TIMM44: variants seen among roughly 807,000 people sequenced by gnomAD.
TIMM44 encodes translocase of inner mitochondrial membrane 44, also known as mitochondrial import inner membrane translocase subunit TIM44.
Under a neutral mutation model 63.8 loss-of-function variants are expected in TIMM44, and 37 were observed. That is an observed-to-expected ratio of 0.58 (90% CI 0.45 to 0.76). The LOEUF (loss-of-function observed/expected upper bound fraction) is 0.76, where lower values mean the gene tolerates loss of function less well. TIMM44 is among the 30% of genes least tolerant of loss of function. The pLI, the probability that TIMM44 is intolerant of heterozygous loss-of-function variation, is 0.00. For missense variants in TIMM44, 573 were observed against 603.8 expected (o/e 0.95, Z 0.54); for synonymous variants, 239 against 245.1 (o/e 0.98, Z 0.23).
At chr19:7,930,098 C>T (rs532535348) in intron 10 of TIMM44, among the ~76,000 whole-genome samples, 2 of 152,128 alleles carry the variant, frequency 1.3e-5, no homozygotes, top group East Asian at 2.0e-4. Flanking sequence ...ATCCGCCCGC[C>T]TCAGCCTCCC....
Position 7,932,755 on chromosome 19 carries a change from C to A in TIMM44, c.863-4G>T. 2 of 1,614,100 alleles carry A rather than the reference C, an allele frequency of 1.2e-6. No individual in the cohort carries two copies. Among genetic ancestry groups the A allele is most frequent in the Non-Finnish European group, 1.7e-6 (2 of 1,179,982 alleles). ...TCTGTCTTGGAGAACAGGCCCCCTG[C>A]AGGGAGCAGAGCCGGGAGTTCGGGG... On this transcript the variant is annotated splice_region_variant and splice_polypyrimidine_tract_variant and intron_variant, in intron 8 of 12. Coordinates refer to ENST00000270538, the MANE Select transcript of TIMM44 (RefSeq NM_006351.4).
chr19:7,931,270 G>T, intron 9 of TIMM44, 82 bp from the exon 10 acceptor site: 1 of 1,318,146 alleles, frequency 7.6e-7, no homozygotes, highest in South Asian at 1.2e-5. Context: ...ATTCTCCAGT[G>T]GTGCGGGGTG....
chr19:7,927,321 G>A lies in TIMM44; in HGVS notation c.1240-15C>T, dbSNP rs746679516. The A allele has an allele frequency of 9.8e-5, 158 of 1,608,870 alleles. No homozygotes were observed. The highest frequency in any genetic ancestry group is 1.3e-4 in the Non-Finnish European group (155 of 1,179,932). On this transcript the variant is annotated splice_polypyrimidine_tract_variant and intron_variant, in intron 12 of 12. Coordinates refer to ENST00000270538, the MANE Select transcript of TIMM44 (RefSeq NM_006351.4). ...AGCACCTTGTCCTGCAGGGTGGGGT[G>A]GGAAGGGCACTGTTGAGAGGGTTGA...
chr19:7,935,137 G>T lies in TIMM44; in HGVS notation c.321C>A (p.Ile107=), dbSNP rs758802032. The stretch of plus-strand genomic sequence containing the variant: ...CGCTCGTCCGCACGGTTTCTGACTC[G>T]ATGGTTTTCTAGGTAAAGAGCGCTG... ...LQEARRKYKT[I]ESETVRTSEV... is the part of the protein sequence containing the mutation. Residue 107 remains isoleucine, a synonymous_variant, in exon 4 of 13, where the codon ATC becomes ATA. Transcript: ENST00000270538. 1 of 1,606,582 alleles carries T rather than the reference G, an allele frequency of 6.2e-7. No individual in the cohort carries two copies. Among genetic ancestry groups the T allele is most frequent in the Non-Finnish European group, 8.5e-7 (1 of 1,174,528 alleles).
chr19:7,933,958 G>A lies in TIMM44; in HGVS notation c.589C>T (p.Gln197Ter). 1 of 1,614,156 alleles carries A rather than the reference G, an allele frequency of 6.2e-7. No homozygotes were observed. The highest frequency in any genetic ancestry group is 8.5e-7 in the Non-Finnish European group (1 of 1,180,042). The change falls in exon 6 of 13, where the codon CAG becomes TAG. Residue 197 changes from glutamine to a stop codon, truncating the protein, a stop_gained. Transcript: ENST00000270538. LOFTEE classifies it high-confidence loss of function. This position sits in a 1 kb window ranked among gnomAD's most constrained non-coding sequence, Gnocchi z 4.3. Reference protein sequence around the residue: ...KKEIDDSVLGQTGPYRRPQRL... With the variant: ...KKEIDDSVLG The stretch of plus-strand genomic sequence containing the variant: ...TGGGGCCTCCGGTAGGGCCCGGTCT[G>A]TCCCAGGACGCTGTCGTCAATTTCC...
In TIMM44 at chr19:7,943,092, G is replaced by T. The variant is rs574149091; in HGVS notation, c.45+515C>A. Among the ~76,000 whole-genome samples the T allele has an allele frequency of 3.2e-4, 48 of 151,130 alleles. No homozygotes were observed. The highest frequency in any genetic ancestry group is 6.3e-4 in the Non-Finnish European group (43 of 67,886). On this transcript the variant is annotated intron_variant, in intron 1 of 12. Transcript: ENST00000270538. The surrounding 1 kb of genome is among the most constrained non-coding windows in gnomAD (Gnocchi z 4.3). Reference sequence around the variant, plus strand: ...AAAAAACGAAGAGCACGAGCAATATGAAGTACTACTTTCTGAGTGCGCCTT... The same window carrying T: ...AAAAAACGAAGAGCACGAGCAATATTAAGTACTACTTTCTGAGTGCGCCTT...
intron 3 of TIMM44, chr19:7,937,730 C>T (rs953079626): frequency 1.4e-5 from 5 of 368,272 alleles, no homozygotes; most frequent in Non-Finnish European, 2.6e-5. Flanking sequence ...AGGTAAGAAG[C>T]AAAGGGGCCC....
Position 7,934,605 on chromosome 19 carries a change from C to T in TIMM44, c.394-367G>A, listed in dbSNP as rs1173702752. ...AATGGGCAGGAGTCCTCTGGAGACC[C>T]GGGAACTGCCTGGCAGCAAGGATTC... On this transcript the variant is annotated intron_variant, in intron 4 of 12. Transcript: ENST00000270538. This position sits in a 1 kb window ranked among gnomAD's most constrained non-coding sequence, Gnocchi z 5.3. Among the ~76,000 whole-genome samples the T allele has an allele frequency of 2.0e-5, 3 of 152,118 alleles. No individual in the cohort carries two copies. The highest frequency in any genetic ancestry group is 3.2e-3 in the Middle Eastern group (1 of 316).
At chr19:7,939,886 T>C (rs1366805109) in intron 2 of TIMM44, among the ~76,000 whole-genome samples, 1 of 152,082 alleles carries the variant, frequency 6.6e-6, no homozygotes, top group African/African-American at 2.4e-5. Context: ...CACTCCAGCC[T>C]GGGCGACAGA....
rs1351903548 is a variant in TIMM44 at position 7,934,403 on chromosome 19, C to T, written c.394-165G>A. ...TACGCGGCACCCCCAGAGCCATGAG[C>T]ACAACGGCACCCCCAGAGCCACGAG... On this transcript the variant is annotated intron_variant, in intron 4 of 12. Transcript: ENST00000270538. This position sits in a 1 kb window ranked among gnomAD's most constrained non-coding sequence, Gnocchi z 5.3. Among the ~76,000 whole-genome samples, 2 of 150,918 alleles carry T rather than the reference C, an allele frequency of 1.3e-5. No individual in the cohort carries two copies. The highest frequency in any genetic ancestry group is 3.0e-5 in the Non-Finnish European group (2 of 67,708).
In TIMM44 at chr19:7,932,880, C is replaced by T; in HGVS notation, c.822G>A (p.Arg274=). The T allele has an allele frequency of 6.2e-6, 10 of 1,614,224 alleles. No individual in the cohort carries two copies. The highest frequency in any genetic ancestry group is 8.5e-6 in the Non-Finnish European group (10 of 1,180,030). The change falls in exon 8 of 13, where the codon CGG becomes CGA. Residue 274 remains arginine (R), a synonymous_variant. Transcript: ENST00000270538. ...CCTTGTCCGTAAGGGCCCGGGATGCCCGGATGAACGCGTTGTCGCTTTCGT... is the reference window on the plus strand; with the variant it reads ...CCTTGTCCGTAAGGGCCCGGGATGCTCGGATGAACGCGTTGTCGCTTTCGT... ...KYDESDNAFI[R]ASRALTDKVT...
Position 7,943,550 on chromosome 19 carries a change from G to A in TIMM44, c.45+57C>T. On this transcript the variant is annotated intron_variant, in intron 1 of 12. Transcript: ENST00000270538. The surrounding 1 kb of genome is among the most constrained non-coding windows in gnomAD (Gnocchi z 4.3). ...AAGGGTCTGAGAAGAAAGCCTTGGT[G>A]GCCGAAGGCCCAGAAGACCCCTAAG... 1 of 1,544,398 alleles carries A rather than the reference G, an allele frequency of 6.5e-7. No homozygotes were observed. The highest frequency in any genetic ancestry group is 8.7e-7 in the Non-Finnish European group (1 of 1,147,786).
intron 9 of TIMM44, chr19:7,931,692 TG>T: frequency 5.8e-6 from 1 of 171,928 alleles, no homozygotes; most frequent in Non-Finnish European, 1.3e-5. Flanking sequence ...GGCTGGGAGC[TG>T]CTTCCACAGG....
At chr19:7,937,695 T>A (rs921410197) in intron 3 of TIMM44, 18 of 336,086 alleles carry the variant, frequency 5.4e-5, no homozygotes, top group Non-Finnish European at 9.7e-5. Flanking sequence ...ACCCTGGCCC[T>A]GGAAACAAAC....
chr19:7,933,444 C>A lies in TIMM44; in HGVS notation c.769+41G>T. ...GATCACCTTGCGGTCCACCAACTGCCCGGGACACAGTCACCTGCCCTCCAA... is the reference window on the plus strand; with the variant it reads ...GATCACCTTGCGGTCCACCAACTGCACGGGACACAGTCACCTGCCCTCCAA... On this transcript the variant is annotated intron_variant, in intron 7 of 12. Coordinates refer to ENST00000270538, the MANE Select transcript of TIMM44 (RefSeq NM_006351.4). The surrounding 1 kb of genome is among the most constrained non-coding windows in gnomAD (Gnocchi z 4.3). 1 of 1,583,970 alleles carries A rather than the reference C, an allele frequency of 6.3e-7. No homozygotes were observed. The highest frequency in any genetic ancestry group is 8.7e-7 in the Non-Finnish European group (1 of 1,152,484).
rs556458011 is a variant in TIMM44 at position 7,934,525 on chromosome 19, G to C, written c.394-287C>G. Among the ~76,000 whole-genome samples the C allele has an allele frequency of 2.0e-5, 3 of 152,110 alleles. No homozygotes were observed. Among genetic ancestry groups the C allele is most frequent in the Non-Finnish European group, 4.4e-5 (3 of 68,014 alleles). ...CCATGAGCACACCGCCACGGCTTCC[G>C]GGATGCTGGCCCTGGGCTCTGGGTG... is the stretch of plus-strand genomic sequence containing the variant. On this transcript the variant is annotated intron_variant, in intron 4 of 12. Coordinates refer to ENST00000270538, the MANE Select transcript of TIMM44 (RefSeq NM_006351.4). This position sits in a 1 kb window ranked among gnomAD's most constrained non-coding sequence, Gnocchi z 5.3.
chr19:7,934,331 C>A lies in TIMM44; in HGVS notation c.394-93G>T. 2 of 1,541,622 alleles carry A rather than the reference C, an allele frequency of 1.3e-6. No individual in the cohort carries two copies. The highest frequency in any genetic ancestry group is 2.2e-5 in the East Asian group (1 of 44,490). On this transcript the variant is annotated intron_variant, in intron 4 of 12. Transcript: ENST00000270538. This position sits in a 1 kb window ranked among gnomAD's most constrained non-coding sequence, Gnocchi z 5.3. The stretch of plus-strand genomic sequence containing the variant: ...AATGAATTCCTGCCGGAGAGAAGGG[C>A]GGATCTGGTTCCCCGAGGCCGGCAG...
Position 7,927,191 on chromosome 19 carries a change from AG to A in TIMM44, c.1354del (p.Leu452SerfsTer9). On this transcript the variant is annotated frameshift_variant, in exon 13 of 13. Coordinates refer to ENST00000270538, the MANE Select transcript of TIMM44 (RefSeq NM_006351.4). LOFTEE classifies it high-confidence loss of function. Reference protein sequence around the residue: ...DISASSTEQIL With the variant: ...DISASSTEQIX ...TACCTGGCTCCGGCACCACACTCAG[AG>A]AATCTGCTCGGTGCTGGAGGCCGAG... is the stretch of plus-strand genomic sequence containing the variant. The A allele has an allele frequency of 1.2e-6, 2 of 1,608,594 alleles. No homozygotes were observed. Among genetic ancestry groups the A allele is most frequent in the Non-Finnish European group, 1.7e-6 (2 of 1,179,598 alleles).
rs1366208558 is a variant in TIMM44 at position 7,935,047 on chromosome 19, C to T, written c.393+18G>A. On this transcript the variant is annotated intron_variant, in intron 4 of 12. Coordinates refer to ENST00000270538, the MANE Select transcript of TIMM44 (RefSeq NM_006351.4). Reference sequence around the variant, plus strand: ...CTTTGATGGCCCCAGCGGCTCCAGGCGGGCGTGGAACTGTTACCTCCTTCA... The same window carrying T: ...CTTTGATGGCCCCAGCGGCTCCAGGTGGGCGTGGAACTGTTACCTCCTTCA... 13 of 1,607,298 alleles carry T rather than the reference C, an allele frequency of 8.1e-6. No homozygotes were observed. Among genetic ancestry groups the T allele is most frequent in the Middle Eastern group, 1.6e-4 (1 of 6,062 alleles).
Sources: gnomAD v4.1 joint callset for allele counts (sites outside exome capture counted in the v4.1 genomes callset) on GRCh38, gnomAD v4.1.1 for gene constraint, Gnocchi (gnomAD v3.1) non-coding constraint, MANE v1.5 for transcripts, NCBI Gene and HGNC (gene_info 2026-07-23, HGNC 2026-07-21) for gene names.